The following KIAA1755 variants were observed in gnomAD, a reference collection of about 807,000 sequenced individuals.
KIAA1755 encodes KIAA1755.
Under a neutral mutation model 91.7 loss-of-function variants are expected in KIAA1755, and 68 were observed. The ratio of observed to expected loss-of-function variants is 0.74; its 90% confidence interval spans 0.61 to 0.91. The LOEUF is 0.91. KIAA1755 is among the 40% of genes least tolerant of loss of function. KIAA1755 has a pLI of 0.00. For missense variants in KIAA1755, 1,535 were observed against 1,494.4 expected (o/e 1.03, Z -0.45); for synonymous variants, 610 against 604.6 (o/e 1.01, Z -0.13).
intron 1 of KIAA1755, among the ~76,000 whole-genome samples, chr20:38,257,763 C>T (rs556130227): frequency 6.6e-6 from 1 of 152,258 alleles, no homozygotes; most frequent in African/African-American, 2.4e-5. Context: ...ATCTCGAAGA[C>T]CTCTCAGGCA....
chr20:38,217,461 C>A lies in KIAA1755; in HGVS notation c.2693G>T (p.Arg898Leu), dbSNP rs145212886. The A allele has an allele frequency of 6.6e-4, 1,059 of 1,607,730 alleles. 1 individual carries two copies. The highest frequency in any genetic ancestry group is 1.4e-3 in the Middle Eastern group (8 of 5,758). Residue 898 changes from arginine to leucine, a missense_variant, in exon 13 of 14, where the codon CGA (arginine) becomes CTA (leucine). By Grantham distance (102) the Arg-to-Leu change is moderately radical. Coordinates refer to ENST00000279024, the MANE Select transcript of KIAA1755 (RefSeq NM_001029864.2). ...FFLQAAAQYR[R>L]GLELSKQAAQ... is the part of the protein sequence containing the mutation. Reference sequence around the variant, plus strand: ...GGCCTGCTTGGACAGCTCCAGGCCTCGGCGGTACTGGGCCTGAGAGGGGAG... The same window carrying A: ...GGCCTGCTTGGACAGCTCCAGGCCTAGGCGGTACTGGGCCTGAGAGGGGAG...
intron 10 of KIAA1755, among the ~76,000 whole-genome samples, chr20:38,221,641 T>G (rs150381986): frequency 3.9e-4 from 59 of 152,214 alleles, no homozygotes; most frequent in African/African-American, 1.3e-3. Flanking sequence ...CGGAGTGAAT[T>G]AAGTGAGCTG....
intron 10 of KIAA1755, among the ~76,000 whole-genome samples, chr20:38,220,418 G>A (rs1028177833): frequency 3.3e-5 from 5 of 150,610 alleles, no homozygotes; most frequent in Non-Finnish European, 7.4e-5. Flanking sequence ...GGGTTCCAAC[G>A]ATTCTCCTGC....
chr20:38,224,755 G>A (rs766646659), intron 8 of KIAA1755, among the ~76,000 whole-genome samples: 11 of 152,176 alleles, frequency 7.2e-5, no homozygotes, highest in Non-Finnish European at 1.2e-4. Context: ...GATGGGCATC[G>A]GTTTCGGTGT....
At chr20:38,244,033 C>T (rs970983022) in intron 2 of KIAA1755, among the ~76,000 whole-genome samples, 2 of 152,174 alleles carry the variant, frequency 1.3e-5, no homozygotes, top group Admixed American at 6.5e-5. Flanking sequence ...AGAAGCCATC[C>T]TGTTAATCAC....
chr20:38,238,378 A>G (rs769129375), intron 4 of KIAA1755, among the ~76,000 whole-genome samples: 1 of 152,344 alleles, frequency 6.6e-6, no homozygotes, highest in African/African-American at 2.4e-5. Context: ...GTAAAATAGT[A>G]TTTCAGGACA....
chr20:38,228,056 A>C (rs1338324574), intron 6 of KIAA1755, 91 bp downstream of exon 6: 2 of 877,758 alleles, frequency 2.3e-6, no homozygotes, highest in Non-Finnish European at 3.3e-6. Flanking sequence ...TCCTGGTCCC[A>C]GCCTTAAGCA....
chr20:38,226,585 A>C (rs1045488476), intron 7 of KIAA1755, among the ~76,000 whole-genome samples: 2 of 152,214 alleles, frequency 1.3e-5, no homozygotes. Flanking sequence ...GAGTTTTAAA[A>C]TCACATCCCG....
In KIAA1755 at chr20:38,218,329, A is replaced by G. The variant is rs199518764; in HGVS notation, c.2594T>C (p.Leu865Pro). 215 of 1,614,056 alleles carry G rather than the reference A, an allele frequency of 1.3e-4. No homozygotes were observed. The highest frequency in any genetic ancestry group is 4.9e-4 in the Middle Eastern group (3 of 6,084). The change falls in exon 12 of 14, where the codon CTG becomes CCG. Residue 865 changes from leucine to proline, a missense_variant. By Grantham distance (98) the Leu-to-Pro change is moderately conservative. Coordinates refer to ENST00000279024, the MANE Select transcript of KIAA1755 (RefSeq NM_001029864.2). ...TCCATCCTTGGGGGTCAGTGATTGC[A>G]GGCACCGCCTTCCTTCCTGCTCCAT... is the stretch of plus-strand genomic sequence containing the variant. ...DWMEQEGRRC[L>P]QSLTPKDGSL...
chr20:38,216,412 C>T (rs1191261958), intron 13 of KIAA1755, among the ~76,000 whole-genome samples: 1 of 152,202 alleles, frequency 6.6e-6, no homozygotes, highest in Non-Finnish European at 1.5e-5. Context: ...CCTGTGATCG[C>T]TGTGGCCTGC....
rs1273331647 is a variant in KIAA1755, at chr20:38,220,646, G to A, written c.2418-878C>T. Among the ~76,000 whole-genome samples the A allele has an allele frequency of 3.3e-5, 5 of 152,280 alleles. No individual in the cohort carries two copies. In the East Asian group the frequency reaches 5.8e-4, roughly 18 times the overall value. On this transcript the variant is annotated intron_variant, in intron 10 of 13. Coordinates refer to ENST00000279024, the MANE Select transcript of KIAA1755 (RefSeq NM_001029864.2). ...TGATGCTTTCTAAAGCACCTCAGGC[G>A]GTTCCAGGGACAGCCAGGGCAGAGA...
intron 6 of KIAA1755, 120 bp from the exon 7 acceptor site, chr20:38,227,360 G>T: frequency 1.6e-6 from 1 of 644,410 alleles, no homozygotes; most frequent in South Asian, 1.9e-5. Flanking sequence ...GACAGAGTGG[G>T]GTCCCTCCAT....
In KIAA1755 at chr20:38,219,783, G is replaced by GA. The variant is rs1338908096; in HGVS notation, c.2418-16dup. On this transcript the variant is annotated splice_polypyrimidine_tract_variant and intron_variant, in intron 10 of 13. Transcript: ENST00000279024. ...CCAGATGGCTCCTGGGAGGTGGGCG[G>GA]AGGTGAGAAAAGGCCTCTGTTGCCC... 7 of 1,613,808 alleles carry GA rather than the reference G, an allele frequency of 4.3e-6. No individual in the cohort carries two copies. The highest frequency in any genetic ancestry group is 4.5e-5 in the East Asian group (2 of 44,896).
chr20:38,247,461 A>G (rs1020005533), intron 1 of KIAA1755, among the ~76,000 whole-genome samples: 3 of 152,208 alleles, frequency 2.0e-5, no homozygotes, highest in African/African-American at 7.2e-5. Flanking sequence ...GACTCAGGTC[A>G]GCTGTCAACT....
chr20:38,225,688 T>C lies in KIAA1755; in HGVS notation c.2146A>G (p.Thr716Ala), dbSNP rs1007521827. 2 of 1,612,700 alleles carry C rather than the reference T, an allele frequency of 1.2e-6. No individual in the cohort carries two copies. The highest frequency in any genetic ancestry group is 1.1e-5 in the South Asian group (1 of 91,018). ...ACCTGGAAGAAATGAACCCACTCGG[T>C]GTGGCAGTAGGGGAAGGGGCCTTCC... ...VLEGPFPYCH[T>A]EWVHFFQKLD... The change falls in exon 8 of 14, where the codon ACC (threonine) becomes GCC (alanine). Residue 716 changes from threonine (T) to alanine (A), a missense_variant. Coordinates refer to ENST00000279024, the MANE Select transcript of KIAA1755 (RefSeq NM_001029864.2).
intron 5 of KIAA1755, among the ~76,000 whole-genome samples, chr20:38,229,016 C>T (rs372331692): frequency 1.5e-4 from 23 of 152,324 alleles, no homozygotes; most frequent in African/African-American, 5.3e-4. Context: ...CCCATCCCCA[C>T]CCCTCTAGCC....
chr20:38,249,542 C>A (rs1360679435), intron 1 of KIAA1755, among the ~76,000 whole-genome samples: 1 of 152,210 alleles, frequency 6.6e-6, no homozygotes, highest in African/African-American at 2.4e-5. Context: ...GTAGCCCACA[C>A]AGTGCTGGGC....
intron 10 of KIAA1755, among the ~76,000 whole-genome samples, chr20:38,221,263 A>G (rs894970770): frequency 6.6e-6 from 1 of 152,164 alleles, no homozygotes; most frequent in African/African-American, 2.4e-5. Context: ...CTCATGTGGG[A>G]CCACAGTGAC....
At position 38,245,635 on chromosome 20, in the gene KIAA1755, G is replaced by A. The variant is rs560381597; in HGVS notation, c.201+294C>T. Among the ~76,000 whole-genome samples the A allele has an allele frequency of 5.2e-4, 79 of 152,284 alleles. No individual in the cohort carries two copies. The South Asian group carries it at 0.011, about 20-fold the overall frequency. On this transcript the variant is annotated intron_variant, in intron 2 of 13. Transcript: ENST00000279024. The stretch of plus-strand genomic sequence containing the variant: ...CTTGGCAGTGCCCACAATGTCAGGC[G>A]CAGGGCAGGCTCCCCAAGACCAGGG...
Sources: allele counts gnomAD v4.1 joint callset (sites outside exome capture counted in the v4.1 genomes callset), GRCh38; gene constraint gnomAD v4.1.1; transcripts MANE v1.5; gene names NCBI Gene and HGNC (gene_info 2026-07-23, HGNC 2026-07-21).